Variants in SHQ1 observed in about 807,000 individuals in gnomAD.
SHQ1 encodes the protein protein SHQ1 homolog.
SHQ1 carries 49 observed loss-of-function variants against 53.8 expected under a neutral mutation model. The observed-to-expected ratio is 0.91, with a 90% CI of 0.72 to 1.16. The LOEUF (loss-of-function observed/expected upper bound fraction) is 1.16, where lower values mean the gene tolerates loss of function less well. Ranked by LOEUF, SHQ1 falls within the 50% of genes most tolerant of loss-of-function variation. The pLI, the probability that SHQ1 is intolerant of heterozygous loss-of-function variation, is 0.00. For missense variants in SHQ1, 738 were observed against 683.1 expected, an observed-to-expected ratio of 1.08 and a Z score of -0.90; for synonymous variants, 243 against 251.0, an observed-to-expected ratio of 0.97 and a Z score of 0.30.
intron 9 of SHQ1, among the ~76,000 whole-genome samples, chr3:72,800,003 C>T (rs1045507618): frequency 6.6e-6 from 1 of 152,126 alleles, no homozygotes; most frequent in Non-Finnish European, 1.5e-5. Flanking sequence ...CATTTGAATG[C>T]ACCCCACAAA....
Position 72,750,181 on chromosome 3 carries a change from C to G in SHQ1, c.*103G>C. On this transcript the variant is annotated 3_prime_UTR_variant, in exon 11 of 11. Coordinates refer to ENST00000325599, the MANE Select transcript of SHQ1 (RefSeq NM_018130.3). ...GGAACACACAAATACAGTGGGCTGA[C>G]TATATACTAAGAAAAATTACAAAGT... The G allele has an allele frequency of 2.0e-6, 2 of 1,003,210 alleles. No homozygotes were observed. Among genetic ancestry groups the G allele is most frequent in the South Asian group, 3.2e-5 (2 of 63,338 alleles). 62.1% of individuals were successfully genotyped at this position (1,003,210 alleles called of 1,614,324 possible).
At chr3:72,805,710 C>T (rs1706920219) in intron 9 of SHQ1, among the ~76,000 whole-genome samples, 1 of 151,990 alleles carries the variant, frequency 6.6e-6, no homozygotes, top group African/African-American at 2.4e-5. Context: ...AAGCCATCAC[C>T]CATCAGTAAG....
At position 72,749,514 on chromosome 3, in the gene SHQ1, A is replaced by C. The variant is rs1705319358; in HGVS notation, c.*770T>G. On this transcript the variant is annotated 3_prime_UTR_variant, in exon 11 of 11. Coordinates refer to ENST00000325599, the MANE Select transcript of SHQ1 (RefSeq NM_018130.3). ...ACATATTGTATGATTCAATTTACATAGAATTCTAGGACATGCAAACTAATA... is the reference window on the plus strand; with the variant it reads ...ACATATTGTATGATTCAATTTACATCGAATTCTAGGACATGCAAACTAATA... 1 of 218,948 alleles carries C rather than the reference A, an allele frequency of 4.6e-6. No homozygotes were observed. The highest frequency in any genetic ancestry group is 5.8e-5 in the Admixed American group (1 of 17,276). 13.6% of individuals were successfully genotyped at this position (218,948 alleles called of 1,614,324 possible).
intron 9 of SHQ1, among the ~76,000 whole-genome samples, chr3:72,800,106 G>A (rs1294199443): frequency 6.6e-6 from 1 of 152,100 alleles, no homozygotes; most frequent in Non-Finnish European, 1.5e-5. Flanking sequence ...CTACCCTCAT[G>A]AATGTTAACG....
At chr3:72,744,218 T>C in the SHQ1 span, among the ~76,000 whole-genome samples, 7 of 152,196 alleles carry the variant, frequency 4.6e-5, no homozygotes, top group Non-Finnish European at 8.8e-5. Flanking sequence ...ATTCTTCTCC[T>C]GAATACTCAC....
chr3:72,736,374 A>G, the SHQ1 span, among the ~76,000 whole-genome samples: 2 of 151,116 alleles, frequency 1.3e-5, no homozygotes, highest in Admixed American at 1.3e-4. Context: ...TCCAGATGGT[A>G]CAATATTCTA....
chr3:72,809,253 G>C (rs1288021578), intron 9 of SHQ1, among the ~76,000 whole-genome samples: 1 of 152,118 alleles, frequency 6.6e-6, no homozygotes. Flanking sequence ...AGCTGGGGAA[G>C]GGAAGAATTT....
chr3:72,744,644 A>G (rs1259540154), downstream of SHQ1, among the ~76,000 whole-genome samples: 10 of 152,144 alleles, frequency 6.6e-5, no homozygotes, highest in Admixed American at 2.6e-4. Flanking sequence ...TTCCAGCTGC[A>G]TTTATCACTT....
intron 6 of SHQ1, among the ~76,000 whole-genome samples, chr3:72,822,562 T>C (rs1707509570): frequency 6.6e-6 from 1 of 152,184 alleles, no homozygotes; most frequent in East Asian, 1.9e-4. Context: ...CTCACCCTGG[T>C]GGACAGAAAA....
At chr3:72,791,033 A>G (rs943746324) in intron 10 of SHQ1, among the ~76,000 whole-genome samples, 1 of 152,190 alleles carries the variant, frequency 6.6e-6, no homozygotes, top group Non-Finnish European at 1.5e-5. Flanking sequence ...CCCTACATCT[A>G]CTTGGCAGCC....
chr3:72,844,508 C>T (rs1280685114), intron 1 of SHQ1, 85 bp from the exon 2 acceptor site: 4 of 949,768 alleles, frequency 4.2e-6, no homozygotes, highest in African/African-American at 1.6e-5. Context: ...ATTTAACCAT[C>T]AAAATATATC....
At chr3:72,829,376 T>C (rs182262402) in intron 5 of SHQ1, among the ~76,000 whole-genome samples, 1 of 152,340 alleles carries the variant, frequency 6.6e-6, no homozygotes, top group Non-Finnish European at 1.5e-5. Context: ...TAGTGTCTAC[T>C]TCCTCCACTA....
In SHQ1 at chr3:72,806,699, A is replaced by C. The variant is rs1202806064; in HGVS notation, c.1060+5972T>G. Reference sequence around the variant, plus strand: ...AACACATTTTCATAGCAGAAACTACACTATCCCATGAACCTCCTCACATGG... The same window carrying C: ...AACACATTTTCATAGCAGAAACTACCCTATCCCATGAACCTCCTCACATGG... On this transcript the variant is annotated intron_variant, in intron 9 of 10. Transcript: ENST00000325599. 2.6e-5 allele frequency among the ~76,000 whole-genome samples: 4 copies of C among 152,162 alleles called. No individual in the cohort carries two copies. The East Asian group carries it at 7.7e-4, about 29-fold the overall frequency.
the SHQ1 span, among the ~76,000 whole-genome samples, chr3:72,744,007 G>A: frequency 6.6e-6 from 1 of 152,280 alleles, no homozygotes; most frequent in Non-Finnish European, 1.5e-5. Context: ...CAACGCAGGA[G>A]CAAACATCAA....
At chr3:72,846,115 A>G in intron 1 of SHQ1, 1 of 1,173,992 alleles carries the variant, frequency 8.5e-7, no homozygotes, top group Non-Finnish European at 1.2e-6. Context: ...ACAACAGGTG[A>G]GCATTCAGAA....
At position 72,832,420 on chromosome 3, in the gene SHQ1, C is replaced by T; in HGVS notation, c.548G>A (p.Arg183Lys). 6.2e-7 allele frequency: 1 copy of T among 1,613,004 alleles called. No homozygotes were observed. The highest frequency in any genetic ancestry group is 8.5e-7 in the Non-Finnish European group (1 of 1,180,010). The change falls in exon 5 of 11, where the codon AGA (arginine) becomes AAA (lysine). Residue 183 changes from arginine (R) to lysine (K), a missense_variant. Arg to Lys is a conservative substitution (Grantham distance 26). Coordinates refer to ENST00000325599, the MANE Select transcript of SHQ1 (RefSeq NM_018130.3). The stretch of plus-strand genomic sequence containing the variant: ...CAGCTCAGCGGCCAGGCGCTTCTGT[C>T]TTCGTTCAGCTGCAGGGGTGAAATC... The part of the protein sequence containing the change: ...DPDFTPAAER[R>K]QKRLAAELAK...
intron 10 of SHQ1, among the ~76,000 whole-genome samples, chr3:72,791,472 G>A (rs1447102822): frequency 6.6e-6 from 1 of 152,040 alleles, no homozygotes; most frequent in East Asian, 1.9e-4. Flanking sequence ...ATAGCCTCAA[G>A]TTTTTTCATA....
intron 10 of SHQ1, among the ~76,000 whole-genome samples, chr3:72,763,100 A>C (rs1705648285): frequency 6.6e-6 from 1 of 151,706 alleles, no homozygotes; most frequent in African/African-American, 2.4e-5. Context: ...TGCTTTAAAT[A>C]ATTTCTAGTA....
At chr3:72,833,497 GATAGACAGA>G (rs1410095016) in intron 4 of SHQ1, among the ~76,000 whole-genome samples, 29 of 25,210 alleles carry the variant, frequency 1.2e-3, no homozygotes, top group African/African-American at 2.5e-3. Flanking sequence ...TAGATAGATA[GATAGACAGA>G]CAGACAGACA....
Sources: gnomAD v4.1 joint callset for allele counts (sites outside exome capture counted in the v4.1 genomes callset) on GRCh38, gnomAD v4.1.1 for gene constraint, MANE v1.5 for transcripts, NCBI Gene and HGNC (gene_info 2026-07-23, HGNC 2026-07-21) for gene names.